Variants in CTNNA3 observed in about 807,000 individuals in gnomAD.
CTNNA3 encodes the protein catenin alpha-3.
A neutral mutation model predicts 95.7 loss-of-function variants in CTNNA3; 76 were observed. That is an observed-to-expected ratio of 0.79 (90% confidence interval 0.66 to 0.96). The LOEUF (loss-of-function observed/expected upper bound fraction) is 0.96. Ranked by LOEUF, CTNNA3 falls within the 40% of genes least tolerant of loss-of-function variation. CTNNA3 has a pLI of 0.00. For missense variants in CTNNA3, 1,191 were observed against 1,089.8 expected, an observed-to-expected ratio of 1.09 and a Z score of -1.31; for synonymous variants, 431 against 374.4, an observed-to-expected ratio of 1.15 and a Z score of -1.74.
chr10:67,758,507 C>G (rs766967123), intron 1 of CTNNA3, among the ~76,000 whole-genome samples: 1 of 151,756 alleles, frequency 6.6e-6, no homozygotes, highest in Non-Finnish European at 1.5e-5. Context: ...GTGCTATAAT[C>G]ATAATTCCTT....
chr10:65,963,536 G>A (rs1010879419), intron 17 of CTNNA3, among the ~76,000 whole-genome samples: 4 of 152,090 alleles, frequency 2.6e-5, no homozygotes, highest in African/African-American at 9.7e-5. Context: ...TGCTATACAT[G>A]TACATTTTTA....
chr10:66,281,853 T>C (rs1293490558), intron 12 of CTNNA3, among the ~76,000 whole-genome samples: 1 of 151,780 alleles, frequency 6.6e-6, no homozygotes, highest in Non-Finnish European at 1.5e-5. Context: ...AATGTATCAC[T>C]TATACCCTAC....
chr10:66,746,707 TAG>T (rs548089890), intron 9 of CTNNA3, among the ~76,000 whole-genome samples: 8 of 151,194 alleles, frequency 5.3e-5, no homozygotes, highest in Non-Finnish European at 8.9e-5. Context: ...AAAATTGTGG[TAG>T]AGAGAGAGAG....
At chr10:67,418,025 C>T (rs1019820501) in intron 5 of CTNNA3, among the ~76,000 whole-genome samples, 2 of 151,994 alleles carry the variant, frequency 1.3e-5, no homozygotes, top group Non-Finnish European at 2.9e-5. Context: ...TATTACTTGG[C>T]AATAAGAAAG....
chr10:67,179,122 T>C (rs991895255), intron 7 of CTNNA3, among the ~76,000 whole-genome samples: 2 of 152,048 alleles, frequency 1.3e-5, no homozygotes, highest in African/African-American at 4.8e-5. Context: ...CTCAAATATC[T>C]TAAATTCATA....
chr10:66,890,649 G>A (rs1845232728), intron 7 of CTNNA3, among the ~76,000 whole-genome samples: 1 of 152,164 alleles, frequency 6.6e-6, no homozygotes, highest in Admixed American at 6.5e-5. Context: ...AATTAGCATT[G>A]ATGGATACCG....
chr10:66,214,862 T>C (rs891943368), intron 13 of CTNNA3, among the ~76,000 whole-genome samples: 1 of 151,942 alleles, frequency 6.6e-6, no homozygotes, highest in Admixed American at 6.6e-5. Flanking sequence ...GAGGAGACTC[T>C]CAGTATATAT....
intron 14 of CTNNA3, among the ~76,000 whole-genome samples, chr10:66,078,282 C>T (rs2080615401): frequency 6.6e-6 from 1 of 151,922 alleles, no homozygotes. Context: ...ATGCTATTAA[C>T]TGTCATCTTC....
chr10:67,562,942 G>A (rs1481224471), intron 3 of CTNNA3, among the ~76,000 whole-genome samples: 3 of 152,040 alleles, frequency 2.0e-5, no homozygotes, highest in Non-Finnish European at 2.9e-5. Flanking sequence ...GGGATGTGAA[G>A]GATCTCTTCA....
chr10:67,555,354 A>T (rs998323397), intron 3 of CTNNA3, among the ~76,000 whole-genome samples: 12 of 152,072 alleles, frequency 7.9e-5, no homozygotes, highest in African/African-American at 2.9e-4. Flanking sequence ...CAGTATGGCC[A>T]TTTTCACGAT....
intron 7 of CTNNA3, among the ~76,000 whole-genome samples, chr10:66,882,539 T>A (rs1438805700): frequency 6.6e-6 from 1 of 152,168 alleles, no homozygotes; most frequent in Non-Finnish European, 1.5e-5. Flanking sequence ...TTACAGAGCA[T>A]GAAAGATGCT....
intron 5 of CTNNA3, among the ~76,000 whole-genome samples, chr10:67,370,875 T>G (rs1179516243): frequency 2.0e-5 from 3 of 150,654 alleles, no homozygotes; most frequent in Non-Finnish European, 3.0e-5. Flanking sequence ...TTTTGTTTTT[T>G]TTTTTTTTTG....
intron 15 of CTNNA3, among the ~76,000 whole-genome samples, chr10:66,001,172 A>G (rs1230059388): frequency 7.9e-5 from 12 of 152,036 alleles, no homozygotes; most frequent in Admixed American, 7.9e-4. Context: ...GGGGGTCATG[A>G]CAAGTGATTG....
intron 7 of CTNNA3, among the ~76,000 whole-genome samples, chr10:67,059,174 C>T (rs1855611739): frequency 6.6e-6 from 1 of 152,112 alleles, no homozygotes; most frequent in Non-Finnish European, 1.5e-5. Flanking sequence ...GGTAACATAA[C>T]ATCCACTTTC....
chr10:66,800,246 C>T (rs1382318717), intron 7 of CTNNA3, among the ~76,000 whole-genome samples: 1 of 151,170 alleles, frequency 6.6e-6, no homozygotes, highest in Non-Finnish European at 1.5e-5. Context: ...ATATATACTA[C>T]ACTAATAAAT....
chr10:66,667,874 C>A (rs1235109392), intron 9 of CTNNA3, among the ~76,000 whole-genome samples: 1 of 152,006 alleles, frequency 6.6e-6, no homozygotes, highest in Non-Finnish European at 1.5e-5. Flanking sequence ...TGGGCATATG[C>A]CTTAACTTTT....
chr10:67,750,847 C>A, intron 1 of CTNNA3: 1 of 1,610,886 alleles, frequency 6.2e-7, no homozygotes, highest in South Asian at 1.1e-5. Context: ...TGAGTGTCAC[C>A]CATACCTCAC....
At chr10:67,580,152 T>C (rs531639422) in intron 3 of CTNNA3, among the ~76,000 whole-genome samples, 10 of 152,354 alleles carry the variant, frequency 6.6e-5, no homozygotes, top group South Asian at 2.1e-4. Context: ...TGAATGGTAC[T>C]GCCTAGGTTT....
At chr10:67,495,602 T>C (rs1309150482) in intron 5 of CTNNA3, among the ~76,000 whole-genome samples, 1 of 151,878 alleles carries the variant, frequency 6.6e-6, no homozygotes, top group African/African-American at 2.4e-5. Context: ...CCAACTCTCC[T>C]CTTCTCCCCA....
Sources: allele counts gnomAD v4.1 joint callset (sites outside exome capture counted in the v4.1 genomes callset), GRCh38; gene constraint gnomAD v4.1.1; transcripts MANE v1.5; gene names NCBI Gene and HGNC (gene_info 2026-07-23, HGNC 2026-07-21).